EMID1: variants seen among roughly 807,000 people sequenced by gnomAD.
The protein encoded by EMID1 is EMI domain-containing protein 1.
Under a neutral mutation model 60.6 loss-of-function variants are expected in EMID1, and 40 were observed. That is an observed-to-expected ratio of 0.66 (90% CI 0.51 to 0.86). EMID1 has a LOEUF of 0.86. EMID1 is among the 40% of genes least tolerant of loss of function. The pLI, the probability that EMID1 is intolerant of heterozygous loss-of-function variation, is 0.00. For missense variants in EMID1, 585 were observed against 597.1 expected, an observed-to-expected ratio of 0.98 and a Z score of 0.21; for synonymous variants, 242 against 231.0, an observed-to-expected ratio of 1.05 and a Z score of -0.43.
At chr22:29,228,341 A>T (rs1206762032) in intron 5 of EMID1, among the ~76,000 whole-genome samples, 1 of 152,092 alleles carries the variant, frequency 6.6e-6, no homozygotes, top group African/African-American at 2.4e-5. Context: ...AAAAAAAAGT[A>T]ATTAATTAAT....
rs867549274 is a variant in EMID1 at position 29,232,545 on chromosome 22, C to T, written c.823+143C>T. 6.2e-5 allele frequency: 59 copies of T among 948,666 alleles called. No homozygotes were observed. The Admixed American group carries it at 7.9e-4, about 13-fold the overall frequency. 58.8% of individuals were successfully genotyped at this position (948,666 alleles called of 1,614,324 possible). A position where few individuals can be genotyped will look rare whatever the true frequency, so the allele number is the denominator to read the frequency against. On this transcript the variant is annotated intron_variant, in intron 8 of 14. Transcript: ENST00000334018. ...TGTGACCCAGTCCTCCAGCAGGCGCCGTTGTCCTCCTGTGGTTACAGGTGA... is the reference window on the plus strand; with the variant it reads ...TGTGACCCAGTCCTCCAGCAGGCGCTGTTGTCCTCCTGTGGTTACAGGTGA...
At chr22:29,246,249 G>A (rs1324800986) in intron 13 of EMID1, among the ~76,000 whole-genome samples, 1 of 152,040 alleles carries the variant, frequency 6.6e-6, no homozygotes, top group Non-Finnish European at 1.5e-5. Context: ...TGGAACAGAG[G>A]CCAAAGAGGC....
chr22:29,210,935 A>G (rs1245410678), intron 1 of EMID1, among the ~76,000 whole-genome samples: 1 of 151,644 alleles, frequency 6.6e-6, no homozygotes, highest in African/African-American at 2.4e-5. Context: ...GCCTGCCTTC[A>G]CCTGTTTGTG....
intron 3 of EMID1, among the ~76,000 whole-genome samples, chr22:29,217,493 G>A (rs1030575219): frequency 6.6e-5 from 10 of 152,358 alleles, no homozygotes; most frequent in Admixed American, 5.9e-4. Flanking sequence ...CAAGGGCCCT[G>A]GGCTTGGGGG....
intron 13 of EMID1, among the ~76,000 whole-genome samples, chr22:29,246,869 T>A (rs1602038529): frequency 1.3e-5 from 2 of 152,278 alleles, no homozygotes; most frequent in Middle Eastern, 6.8e-3. Flanking sequence ...CCCAGGCTGG[T>A]CTCAAATTCC....
chr22:29,232,183 G>A (rs2040772641), intron 7 of EMID1, 73 bp from the exon 8 acceptor site: 1 of 1,591,572 alleles, frequency 6.3e-7, no homozygotes, highest in Admixed American at 1.7e-5. Context: ...AGGCTGCCTT[G>A]TCCTGTCGCT....
chr22:29,227,787 G>C (rs538192912), intron 5 of EMID1, among the ~76,000 whole-genome samples: 1 of 151,694 alleles, frequency 6.6e-6, no homozygotes, highest in East Asian at 1.9e-4. Flanking sequence ...AGGCCGAGCC[G>C]GGTGGATCAC....
At chr22:29,240,878 C>T (rs1288895336) in intron 12 of EMID1, among the ~76,000 whole-genome samples, 2 of 152,174 alleles carry the variant, frequency 1.3e-5, no homozygotes, top group East Asian at 1.9e-4. Context: ...CAGACTTTGT[C>T]GCCCCCATGA....
chr22:29,213,544 C>T (rs921102812), intron 1 of EMID1, among the ~76,000 whole-genome samples: 1 of 152,154 alleles, frequency 6.6e-6, no homozygotes. Flanking sequence ...GGAGTTTCTC[C>T]TTCTGGTGGT....
chr22:29,206,102 G>C lies in EMID1; in HGVS notation c.64G>C (p.Ala22Pro). The C allele has an allele frequency of 8.1e-7, 1 of 1,230,976 alleles. No individual in the cohort carries two copies. 76.3% of individuals were successfully genotyped at this position (1,230,976 alleles called of 1,614,324 possible). ...GCTCCTGCTCCCGGGAGGCGGCGCT[G>C]CGTGGAGCATCGGGGCAGCTCCGTT... is the stretch of plus-strand genomic sequence containing the variant. Reference protein sequence around the residue: ...LGLLLPGGGAAWSIGAAPFSG... With the variant: ...LGLLLPGGGAPWSIGAAPFSG... Residue 22 changes from alanine to proline, a missense_variant, in exon 1 of 15, where the codon GCG becomes CCG. Transcript: ENST00000334018.
At chr22:29,210,052 T>C (rs947090149) in intron 1 of EMID1, among the ~76,000 whole-genome samples, 3 of 151,640 alleles carry the variant, frequency 2.0e-5, no homozygotes, top group Admixed American at 2.0e-4. Context: ...GGGGCTGGGG[T>C]CCTCAAGGTG....
At chr22:29,207,216 G>A (rs1052801424) in intron 1 of EMID1, among the ~76,000 whole-genome samples, 1 of 152,262 alleles carries the variant, frequency 6.6e-6, no homozygotes, top group Non-Finnish European at 1.5e-5. Context: ...GGAGGTGGTT[G>A]AAGCATCAGA....
In EMID1 at chr22:29,233,412, C is replaced by G; in HGVS notation, c.857C>G (p.Thr286Ser). The G allele has an allele frequency of 1.2e-6, 2 of 1,614,154 alleles. No individual in the cohort carries two copies. The highest frequency in any genetic ancestry group is 1.7e-6 in the Non-Finnish European group (2 of 1,179,982). The change falls in exon 9 of 15, where the codon ACC becomes AGC. Residue 286 changes from threonine to serine, a missense_variant. Transcript: ENST00000334018. ...TTGCTGTCCAACACCTTCACTGAGA[C>G]CAACAACCACTGGCCCCAGGGACCC... ...DPLLSNTFTE[T>S]NNHWPQGPTG...
intron 5 of EMID1, 117 bp downstream of exon 5, chr22:29,226,668 C>A: frequency 9.6e-7 from 1 of 1,040,428 alleles, no homozygotes; most frequent in Non-Finnish European, 1.3e-6. Context: ...CTCAGTGAAC[C>A]CACAGGGCAG....
chr22:29,247,228 C>T (rs2041358569), intron 13 of EMID1, among the ~76,000 whole-genome samples: 1 of 152,172 alleles, frequency 6.6e-6, no homozygotes, highest in South Asian at 2.1e-4. Flanking sequence ...GCCTCAGCCT[C>T]CCAAAGTGCT....
chr22:29,225,267 G>GA (rs775457655), intron 4 of EMID1, 51 bp downstream of exon 4: 1 of 1,594,580 alleles, frequency 6.3e-7, no homozygotes, highest in South Asian at 1.1e-5. Flanking sequence ...GGGAGCCCTG[G>GA]AGGGGGCTCA....
intron 3 of EMID1, among the ~76,000 whole-genome samples, chr22:29,223,085 C>T (rs909417200): frequency 2.0e-5 from 3 of 151,638 alleles, no homozygotes; most frequent in Non-Finnish European, 4.4e-5. Flanking sequence ...AGCGAGACTC[C>T]GTCTCAAAAA....
chr22:29,234,402 G>T (rs1484183958), intron 12 of EMID1, 53 bp downstream of exon 12: 2 of 1,590,930 alleles, frequency 1.3e-6, no homozygotes. Context: ...CTTAGTCCCA[G>T]ATTCCTCCTG....
intron 3 of EMID1, among the ~76,000 whole-genome samples, chr22:29,223,005 C>A (rs1013168422): frequency 1.3e-5 from 2 of 152,098 alleles, no homozygotes; most frequent in Non-Finnish European, 2.9e-5. Flanking sequence ...GAAGGAGAAT[C>A]GCTTGAACCC....
Sources: gnomAD v4.1 joint callset for allele counts (sites outside exome capture counted in the v4.1 genomes callset) on GRCh38, gnomAD v4.1.1 for gene constraint, MANE v1.5 for transcripts, NCBI Gene and HGNC (gene_info 2026-07-23, HGNC 2026-07-21) for gene names.